ENO4: variants seen among roughly 807,000 people sequenced by gnomAD.
ENO4 encodes 2-phospho-D-glycerate hydro-lyase.
ENO4 carries 53 observed loss-of-function variants against 63.2 expected under a neutral mutation model. The observed-to-expected ratio is 0.84, with a 90% CI of 0.67 to 1.05. The LOEUF is 1.05. ENO4 is among the 50% of genes least tolerant of loss of function. ENO4 has a pLI of 0.00. For synonymous variants in ENO4, 266 were observed against 283.8 expected (o/e 0.94, Z 0.63); for missense variants, 719 against 772.0 (o/e 0.93, Z 0.81).
At chr10:116,865,698 A>G (rs1444462120) in intron 7 of ENO4, among the ~76,000 whole-genome samples, 1 of 152,068 alleles carries the variant, frequency 6.6e-6, no homozygotes, top group African/African-American at 2.4e-5. Flanking sequence ...TTGGAAGGAG[A>G]GTTCTGACCG....
At chr10:116,863,356 T>TCACA (rs10646641) in intron 7 of ENO4, among the ~76,000 whole-genome samples, 32,530 of 146,840 alleles carry the variant, frequency 0.22, 3,815 homozygotes, top group East Asian at 0.38. Context: ...CTGTGGGGCT[T>TCACA]CACACACACA....
downstream of ENO4, chr10:116,885,900 T>C (rs982700713): frequency 3.1e-4 from 51 of 163,926 alleles, no homozygotes; most frequent in Non-Finnish European, 9.3e-5. Flanking sequence ...AGTTTCTCCA[T>C]CAAGAGGATC....
chr10:116,855,042 C>G (rs1333192880), intron 1 of ENO4, among the ~76,000 whole-genome samples: 1 of 151,488 alleles, frequency 6.6e-6, no homozygotes, highest in Admixed American at 6.6e-5. Flanking sequence ...AGCCTGTAAT[C>G]CCAGCACTTT....
chr10:116,849,879 G>T, intron 1 of ENO4, 148 bp downstream of exon 1: 1 of 940,564 alleles, frequency 1.1e-6, no homozygotes, highest in Non-Finnish European at 1.7e-6. Context: ...GGAGACTTCT[G>T]GAGGGAAGGA....
intron 10 of ENO4, among the ~76,000 whole-genome samples, chr10:116,893,421 G>A (rs1847402312): frequency 6.6e-6 from 1 of 152,172 alleles, no homozygotes; most frequent in East Asian, 1.9e-4. Context: ...TTACAGTTGA[G>A]AGCAGAGCAA....
exon 11 of ENO4, chr10:116,911,703 C>T: frequency 6.3e-7 from 1 of 1,579,206 alleles, no homozygotes; most frequent in African/African-American, 1.4e-5. Context: ...ATAAAACACA[C>T]CACAAACAAT....
intron 1 of ENO4, among the ~76,000 whole-genome samples, chr10:116,855,044 C>A (rs1846221004): frequency 6.6e-6 from 1 of 151,562 alleles, no homozygotes; most frequent in South Asian, 2.1e-4. Flanking sequence ...CCTGTAATCC[C>A]AGCACTTTGG....
In ENO4 at chr10:116,881,529, C is replaced by T. The variant is rs752216514; in HGVS notation, c.1738C>T (p.His580Tyr). ...QNGTLGFKEE[H>Y]TFFYFNEEAE... is the part of the protein sequence containing the mutation. ...ACTTTAAATAGGTTTCAAAGAAGAACACACTTTTTTTTACTTTAATGAGGA... is the reference window on the plus strand; with the variant it reads ...ACTTTAAATAGGTTTCAAAGAAGAATACACTTTTTTTTACTTTAATGAGGA... Residue 580 changes from histidine to tyrosine, a missense_variant, in exon 14 of 14, where the codon CAC (histidine) becomes TAC (tyrosine). His to Tyr is a moderately conservative substitution (Grantham distance 83). Around this residue, in one of 3 missense-constraint regions of ENO4, gnomAD observed 168 missense variants for 163.3 expected, o/e 1.03. Transcript: ENST00000341276. 3 of 1,543,144 alleles carry T rather than the reference C, an allele frequency of 1.9e-6. No homozygotes were observed. Among genetic ancestry groups the T allele is most frequent in the Admixed American group, 2.0e-5 (1 of 49,196 alleles).
At chr10:116,874,226 T>C in intron 10 of ENO4, 25 bp downstream of exon 10, 1 of 1,509,174 alleles carries the variant, frequency 6.6e-7, no homozygotes, top group East Asian at 2.5e-5. Flanking sequence ...TTCCATATTT[T>C]ATAACATATT....
chr10:116,849,748 A>G lies in ENO4; in HGVS notation c.165+17A>G, dbSNP rs1363289567. 1 of 1,489,598 alleles carries G rather than the reference A, an allele frequency of 6.7e-7. No homozygotes were observed. Among genetic ancestry groups the G allele is most frequent in the Non-Finnish European group, 9.0e-7 (1 of 1,115,688 alleles). The allele number at this position is 1,489,598 out of a possible 1,614,324, so 92.3% of individuals were successfully genotyped here. Reference sequence around the variant, plus strand: ...GGGCACCTGGTAGGGACCTGGGACAAGCGCTCTCCTCCCGCCAACCCCTCT... The same window carrying G: ...GGGCACCTGGTAGGGACCTGGGACAGGCGCTCTCCTCCCGCCAACCCCTCT... On this transcript the variant is annotated intron_variant, in intron 1 of 13. Transcript: ENST00000341276.
intron 10 of ENO4, among the ~76,000 whole-genome samples, chr10:116,906,352 C>T (rs1488689840): frequency 6.6e-6 from 1 of 152,194 alleles, no homozygotes; most frequent in African/African-American, 2.4e-5. Flanking sequence ...GAATCTCTTC[C>T]TGAATGTCTT....
chr10:116,890,048 G>A (rs1270582717), intron 10 of ENO4, among the ~76,000 whole-genome samples: 1 of 152,176 alleles, frequency 6.6e-6, no homozygotes, highest in Non-Finnish European at 1.5e-5. Flanking sequence ...TCTCACTCTA[G>A]TAGTCATGGT....
chr10:116,912,303 A>C (rs1164195137), downstream of ENO4, among the ~76,000 whole-genome samples: 1 of 152,204 alleles, frequency 6.6e-6, no homozygotes, highest in Non-Finnish European at 1.5e-5. Context: ...CAGCTCCACC[A>C]GCTATGGGAG....
rs1211000453 is a variant in ENO4 at position 116,881,523 on chromosome 10, G to T, written c.1732G>T (p.Glu578Ter). ...LVQNGTLGFK[E>*]EHTFFYFNEE... ...ATTGTTACTTTAAATAGGTTTCAAAGAAGAACACACTTTTTTTTACTTTAA... is the reference window on the plus strand; with the variant it reads ...ATTGTTACTTTAAATAGGTTTCAAATAAGAACACACTTTTTTTTACTTTAA... The change falls in exon 14 of 14, where the codon GAA becomes TAA. Residue 578 changes from glutamate to a stop codon, truncating the protein, a stop_gained. Transcript: ENST00000341276. LOFTEE classifies it low-confidence loss of function (END_TRUNC). 1 of 1,541,668 alleles carries T rather than the reference G, an allele frequency of 6.5e-7. No homozygotes were observed. The highest frequency in any genetic ancestry group is 8.7e-7 in the Non-Finnish European group (1 of 1,143,950).
chr10:116,859,798 C>G (rs1048632800), intron 4 of ENO4, among the ~76,000 whole-genome samples: 24 of 152,198 alleles, frequency 1.6e-4, no homozygotes, highest in African/African-American at 5.8e-4. Context: ...GAACCATACA[C>G]CCAAATAATG....
Position 116,856,575 on chromosome 10 carries a change from G to C in ENO4, c.378G>C (p.Glu126Asp). ...LPELAKAEEA[E>D]RASAVSTAVQ... is the part of the protein sequence containing the mutation. ...AGCTGGCCAAGGCGGAGGAGGCAGA[G>C]AGGGCCAGCGCGGTGAGCACCGCCG... The change falls in exon 3 of 14, where the codon GAG becomes GAC. Residue 126 changes from glutamate (E) to aspartate (D), a missense_variant. Physicochemically the swap from Glu to Asp is conservative, Grantham distance 45 (BLOSUM62 2). This residue lies in a region of ENO4 where 544 missense variants were observed against 583.6 expected (regional missense o/e 0.93). Coordinates refer to ENST00000341276, the MANE Select transcript of ENO4 (RefSeq NM_001242699.2). 6.5e-7 allele frequency: 1 copy of C among 1,536,188 alleles called. No individual in the cohort carries two copies. The highest frequency in any genetic ancestry group is 8.7e-7 in the Non-Finnish European group (1 of 1,146,932).
intron 10 of ENO4, among the ~76,000 whole-genome samples, chr10:116,904,445 T>G (rs1395435761): frequency 6.6e-6 from 1 of 152,106 alleles, no homozygotes; most frequent in Non-Finnish European, 1.5e-5. Flanking sequence ...TCCTTTTTTT[T>G]TTTTCTTTTG....
chr10:116,878,132 T>C (rs1846888472), intron 11 of ENO4, among the ~76,000 whole-genome samples: 1 of 152,226 alleles, frequency 6.6e-6, no homozygotes, highest in Non-Finnish European at 1.5e-5. Context: ...TACAACTACC[T>C]AATGACTGGG....
At chr10:116,876,320 A>C in intron 11 of ENO4, 60 bp downstream of exon 11, 1 of 1,254,784 alleles carries the variant, frequency 8.0e-7, no homozygotes, top group Non-Finnish European at 1.1e-6. Flanking sequence ...GAAACCAAAA[A>C]TACACAGCAT....
Sources: allele counts gnomAD v4.1 joint callset (sites outside exome capture counted in the v4.1 genomes callset), GRCh38; gene constraint gnomAD v4.1.1; regional missense constraint gnomAD v4.1.1; transcripts MANE v1.5; gene names NCBI Gene and HGNC (gene_info 2026-07-23, HGNC 2026-07-21).